The following MTMR2 variants were observed in gnomAD, a reference collection of about 807,000 sequenced individuals.
The protein encoded by MTMR2 is myotubularin related protein 2.
MTMR2 carries 55 observed loss-of-function variants against 86.9 expected under a neutral mutation model. That is an observed-to-expected ratio of 0.63 (90% CI 0.51 to 0.79). The LOEUF (loss-of-function observed/expected upper bound fraction) is 0.79, where lower values mean the gene tolerates loss of function less well. Ranked by LOEUF, MTMR2 falls within the 30% of genes least tolerant of loss-of-function variation. The pLI is 0.00. For synonymous variants in MTMR2, 241 were observed against 266.8 expected (o/e 0.90, Z 0.94); for missense variants, 659 against 772.3 (o/e 0.85, Z 1.74).
chr11:95,869,301 C>A (rs982972363), intron 2 of MTMR2, among the ~76,000 whole-genome samples: 2 of 151,270 alleles, frequency 1.3e-5, no homozygotes, highest in African/African-American at 4.8e-5. Flanking sequence ...TTTCAACTTA[C>A]AATGGGTTTA....
chr11:95,891,458 AAAAG>A (rs533839076), intron 1 of MTMR2, among the ~76,000 whole-genome samples: 18 of 151,772 alleles, frequency 1.2e-4, no homozygotes, highest in East Asian at 5.8e-4. Flanking sequence ...CCAAAAAAAA[AAAAG>A]AAAGAAAGAA....
At chr11:95,892,429 C>T (rs181153471) in intron 1 of MTMR2, among the ~76,000 whole-genome samples, 51 of 152,292 alleles carry the variant, frequency 3.3e-4, no homozygotes, top group African/African-American at 1.2e-3. Flanking sequence ...TAACACTTCC[C>T]ACATTAGACT....
chr11:95,877,332 C>CTTTTTTTTTTTTT (rs764782930), intron 2 of MTMR2, among the ~76,000 whole-genome samples: 1 of 106,308 alleles, frequency 9.4e-6, no homozygotes, highest in Non-Finnish European at 1.9e-5. Flanking sequence ...CAGGGAAGCC[C>CTTTTTTTTTTTTT]TTTTTTTTTT....
intron 1 of MTMR2, among the ~76,000 whole-genome samples, chr11:95,918,546 T>C (rs1229911197): frequency 6.6e-6 from 1 of 152,368 alleles, no homozygotes. Context: ...TATTGTTTCT[T>C]ATCTAAGAGA....
intron 2 of MTMR2, among the ~76,000 whole-genome samples, chr11:95,867,312 T>C (rs1864652191): frequency 6.6e-6 from 1 of 152,172 alleles, no homozygotes; most frequent in Non-Finnish European, 1.5e-5. Context: ...CCACATGACT[T>C]CCTTTTTCTC....
intron 1 of MTMR2, among the ~76,000 whole-genome samples, chr11:95,917,930 A>G (rs2084454111): frequency 6.6e-6 from 1 of 152,210 alleles, no homozygotes; most frequent in Non-Finnish European, 1.5e-5. Flanking sequence ...TGTTTCCACT[A>G]ATCTTTCTCA....
chr11:95,900,738 C>G (rs932721680), intron 1 of MTMR2, among the ~76,000 whole-genome samples: 3 of 152,196 alleles, frequency 2.0e-5, no homozygotes, highest in Admixed American at 6.5e-5. Flanking sequence ...TGCACGCACA[C>G]ACACTCACAT....
At chr11:95,838,952 T>G (rs1863417602) in intron 12 of MTMR2, among the ~76,000 whole-genome samples, 1 of 152,012 alleles carries the variant, frequency 6.6e-6, no homozygotes, top group African/African-American at 2.4e-5. Context: ...TCAGAATTAT[T>G]TGGAAGCTTC....
At chr11:95,879,212 C>G (rs771022669) in intron 2 of MTMR2, among the ~76,000 whole-genome samples, 1 of 151,798 alleles carries the variant, frequency 6.6e-6, no homozygotes, top group African/African-American at 2.4e-5. Context: ...GCTGAAACCA[C>G]GAAGAAGAAA....
At chr11:95,849,564 A>C in intron 9 of MTMR2, 110 bp downstream of exon 9, 1 of 973,250 alleles carries the variant, frequency 1.0e-6, no homozygotes, top group East Asian at 2.4e-5. Flanking sequence ...CAAGACAAGA[A>C]CCTATATGTT....
chr11:95,895,577 A>G (rs968425848), intron 1 of MTMR2, among the ~76,000 whole-genome samples: 15 of 152,166 alleles, frequency 9.9e-5, no homozygotes, highest in African/African-American at 3.6e-4. Flanking sequence ...TGTCTATAAT[A>G]AAATTTTTTT....
At chr11:95,836,468 ATT>A (rs1306085242) in intron 13 of MTMR2, 144 bp from the exon 14 acceptor site, 1 of 748,602 alleles carries the variant, frequency 1.3e-6, no homozygotes, top group African/African-American at 1.7e-5. Flanking sequence ...ACCAACTTAT[ATT>A]AAGATCAGAG....
intron 1 of MTMR2, among the ~76,000 whole-genome samples, chr11:95,895,144 CA>C (rs1865839568): frequency 7.0e-6 from 1 of 142,640 alleles, no homozygotes; most frequent in Admixed American, 7.1e-5. Context: ...ATGAGAGGTA[CA>C]AACAAGGGCC....
At chr11:95,861,411 A>G (rs1047160811) in intron 5 of MTMR2, among the ~76,000 whole-genome samples, 2 of 146,178 alleles carry the variant, frequency 1.4e-5, no homozygotes, top group Admixed American at 1.4e-4. Context: ...GGTTATTATT[A>G]TTATTATTAT....
intron 1 of MTMR2, among the ~76,000 whole-genome samples, chr11:95,918,698 A>G (rs1428673548): frequency 6.6e-6 from 1 of 152,230 alleles, no homozygotes; most frequent in African/African-American, 2.4e-5. Context: ...TTTTACAGCT[A>G]TAATTTCTAC....
At chr11:95,897,463 C>CT (rs1865919716) in intron 1 of MTMR2, among the ~76,000 whole-genome samples, 1 of 152,018 alleles carries the variant, frequency 6.6e-6, no homozygotes, top group African/African-American at 2.4e-5. Flanking sequence ...ACAATAAAGT[C>CT]TTTAAGAGAA....
intron 1 of MTMR2, among the ~76,000 whole-genome samples, chr11:95,919,318 A>C (rs551001739): frequency 6.6e-6 from 1 of 152,380 alleles, no homozygotes; most frequent in East Asian, 1.9e-4. Flanking sequence ...TAAGGCAGGC[A>C]TGCAATTTAT....
chr11:95,844,184 A>T lies in MTMR2; in HGVS notation c.1386+769T>A, dbSNP rs557735090. 7.6e-4 allele frequency among the ~76,000 whole-genome samples: 115 copies of T among 152,188 alleles called. 2 individuals carry two copies. The highest frequency in any genetic ancestry group is 6.2e-4 in the Non-Finnish European group (42 of 68,030). On this transcript the variant is annotated intron_variant, in intron 11 of 14. Transcript: ENST00000346299. The stretch of plus-strand genomic sequence containing the variant: ...TGCAGCTTTGGCTGACTAAAACTTG[A>T]TTCTTTGAAGTACGAGTTTGTTTTA...
At chr11:95,859,607 G>A (rs1864332672) in intron 5 of MTMR2, among the ~76,000 whole-genome samples, 2 of 152,110 alleles carry the variant, frequency 1.3e-5, no homozygotes, top group South Asian at 4.1e-4. Flanking sequence ...AATGAAACAT[G>A]AATTGTTACA....
Sources: gnomAD v4.1 joint callset for allele counts (sites outside exome capture counted in the v4.1 genomes callset) on GRCh38, gnomAD v4.1.1 for gene constraint, MANE v1.5 for transcripts, NCBI Gene and HGNC (gene_info 2026-07-23, HGNC 2026-07-21) for gene names.